Variants in PADI4 observed in about 807,000 individuals in gnomAD.
PADI4 encodes peptidyl arginine deiminase 4, also known as protein-arginine deiminase type-4.
PADI4 carries 62 observed loss-of-function variants against 75.0 expected under a neutral mutation model. That is an observed-to-expected ratio of 0.83 (90% CI 0.67 to 1.02). The LOEUF (loss-of-function observed/expected upper bound fraction) is 1.02, where lower values mean the gene tolerates loss of function less well. Among genes scored for constraint, PADI4 ranks in the 50% least tolerant of loss-of-function variants. The probability of loss-of-function intolerance (pLI) is 0.00; values close to 1 mark genes in which losing one functional copy is unlikely to be tolerated. For missense variants in PADI4, 845 were observed against 850.5 expected, an observed-to-expected ratio of 0.99 and a Z score of 0.08; for synonymous variants, 361 against 348.1, an observed-to-expected ratio of 1.04 and a Z score of -0.41.
At position 17,336,226 on chromosome 1, in the gene PADI4, G is replaced by C; in HGVS notation, c.408G>C (p.Gln136His). 1 of 1,612,870 alleles carries C rather than the reference G, an allele frequency of 6.2e-7. No homozygotes were observed. The highest frequency in any genetic ancestry group is 8.5e-7 in the Non-Finnish European group (1 of 1,178,862). ...KVKPTRAVKD[Q>H]RTWTWGPCGQ... ...AGCCAACCAGAGCTGTGAAAGATCA[G>C]GTACCACTCACCCAAACGCTCCTTT... Residue 136 changes from glutamine to histidine, a missense_variant and splice_region_variant, in exon 4 of 16, where the codon CAG becomes CAC. Coordinates refer to ENST00000375448, the MANE Select transcript of PADI4 (RefSeq NM_012387.3).
intron 13 of PADI4, 40 bp from the exon 14 acceptor site, chr1:17,358,798 C>A (rs769853026): frequency 1.4e-6 from 2 of 1,412,522 alleles, no homozygotes; most frequent in Admixed American, 1.9e-5. Context: ...AAATCGACCT[C>A]TAAGTTCATT....
intron 2 of PADI4, among the ~76,000 whole-genome samples, chr1:17,333,238 G>A (rs776795132): frequency 8.5e-5 from 13 of 152,062 alleles, no homozygotes; most frequent in Non-Finnish European, 1.5e-4. Flanking sequence ...AGTGATGGCC[G>A]TGGCGTTTTC....
intron 1 of PADI4, 132 bp downstream of exon 1, chr1:17,308,446 G>C: frequency 1.4e-6 from 1 of 697,104 alleles, no homozygotes; most frequent in Non-Finnish European, 2.5e-6. Context: ...CAGGGGAGTA[G>C]CTGGAGAGAG....
chr1:17,332,956 C>T lies in PADI4; in HGVS notation c.274-987C>T, dbSNP rs7554069. 3.2e-3 allele frequency among the ~76,000 whole-genome samples: 487 copies of T among 152,168 alleles called. 6 individuals carry two copies. The highest frequency in any genetic ancestry group is 0.011 in the African/African-American group (452 of 41,506). Reference sequence around the variant, plus strand: ...CTCTGGATGAGAAAAGGGTGAGACACGTGTTGGGGAAACTGAGGAAGTTCT... The same window carrying T: ...CTCTGGATGAGAAAAGGGTGAGACATGTGTTGGGGAAACTGAGGAAGTTCT... On this transcript the variant is annotated intron_variant, in intron 2 of 15. Transcript: ENST00000375448.
chr1:17,359,541 G>A, intron 15 of PADI4, 133 bp downstream of exon 15: 2 of 1,247,628 alleles, frequency 1.6e-6, no homozygotes, highest in Non-Finnish European at 1.1e-6. Flanking sequence ...TGTCCTGAGT[G>A]GTACAAGGTC....
rs1557576429 is a variant in PADI4 at position 17,351,992 on chromosome 1, A to ACTGTG, written c.1156-2541_1156-2540insCTGTG. On this transcript the variant is annotated intron_variant, in intron 10 of 15. Transcript: ENST00000375448. ...CCAGGGAGGTGATGGGAGGAGAGGC[A>ACTGTG]GTCAGGGAGGTGATGGGAGGAGAGG... 2.4e-3 allele frequency among the ~76,000 whole-genome samples: 65 copies of ACTGTG among 27,624 alleles called. 4 individuals are homozygous for ACTGTG. The highest frequency in any genetic ancestry group is 6.4e-3 in the African/African-American group (62 of 9,656). The allele number at this position is 27,624 out of a possible 152,430, so 18.1% of individuals were successfully genotyped here.
In PADI4 at chr1:17,363,931, T is replaced by C. The variant is rs569626942; in HGVS notation, c.*176T>C. 2.1e-3 allele frequency: 1,243 copies of C among 580,654 alleles called. 16 individuals are homozygous for C. The highest frequency in any genetic ancestry group is 0.017 in the South Asian group (835 of 49,888). The allele number at this position is 580,654 out of a possible 1,614,324, so 36.0% of individuals were successfully genotyped here. On this transcript the variant is annotated 3_prime_UTR_variant, in exon 16 of 16. Coordinates refer to ENST00000375448, the MANE Select transcript of PADI4 (RefSeq NM_012387.3). ...GTTTCCCACTCTGAAGATCCCAACA[T>C]GGTCCTAGCACTGCACACTCAGTTC...
chr1:17,339,951 A>C (rs2074385515), intron 6 of PADI4, 138 bp downstream of exon 6: 1 of 878,622 alleles, frequency 1.1e-6, no homozygotes, highest in Non-Finnish European at 1.7e-6. Context: ...AGTGGGCAAG[A>C]CAGACGACAT....
chr1:17,352,012 GAGAGGCGGCCAGGGAGGTGA>G (rs1178743278), intron 10 of PADI4, among the ~76,000 whole-genome samples: 12,965 of 29,162 alleles, frequency 0.44, 2,477 homozygotes, highest in African/African-American at 0.55. Flanking sequence ...GTGATGGGAG[GAGAGGCGGCCAGGGAGGTGA>G]TGGGAGGAGA....
chr1:17,356,369 C>A lies in PADI4; in HGVS notation c.1468C>A (p.Leu490Ile). 6.2e-7 allele frequency: 1 copy of A among 1,607,596 alleles called. No individual in the cohort carries two copies. The change falls in exon 13 of 16, where the codon CTC becomes ATC. Residue 490 changes from leucine to isoleucine, a missense_variant. Physicochemically the swap from Leu to Ile is conservative, Grantham distance 5. Transcript: ENST00000375448. The surrounding 1 kb of genome is among the most constrained non-coding windows in gnomAD (Gnocchi z 4.1). Reference protein sequence around the residue: ...PAPDRKGFRLLLASPRSCYKL... With the variant: ...PAPDRKGFRLILASPRSCYKL... Reference sequence around the variant, plus strand: ...TTTCTGCCTCCAGGGCTTCCGGCTGCTCCTGGCCAGCCCCAGGTCCTGCTA... The same window carrying A: ...TTTCTGCCTCCAGGGCTTCCGGCTGATCCTGGCCAGCCCCAGGTCCTGCTA...
Position 17,358,910 on chromosome 1 carries a change from T to C in PADI4, c.1629+2T>C. 1 of 1,600,612 alleles carries C rather than the reference T, an allele frequency of 6.2e-7. No individual in the cohort carries two copies. Among genetic ancestry groups the C allele is most frequent in the African/African-American group, 1.3e-5 (1 of 74,580 alleles). ...AGAGAACATAATTCATTTGTGGAGG[T>C]AGGAGCCTGGGTGCCTACACCCCAG... On this transcript the variant is annotated splice_donor_variant, in intron 14 of 15. Transcript: ENST00000375448. LOFTEE classifies it high-confidence loss of function.
intron 1 of PADI4, among the ~76,000 whole-genome samples, chr1:17,321,139 G>C (rs75004237): frequency 1.3e-5 from 2 of 152,178 alleles, no homozygotes; most frequent in African/African-American, 4.8e-5. Context: ...GGGAGGATTC[G>C]ATGGCAGAGA....
chr1:17,310,972 C>CT (rs969859818), intron 1 of PADI4, among the ~76,000 whole-genome samples: 1 of 152,002 alleles, frequency 6.6e-6, no homozygotes, highest in Non-Finnish European at 1.5e-5. Context: ...TAGCACGCAG[C>CT]TATAGTCCCA....
intron 1 of PADI4, among the ~76,000 whole-genome samples, chr1:17,311,588 G>A (rs975790659): frequency 6.6e-6 from 1 of 151,188 alleles, no homozygotes; most frequent in Admixed American, 6.6e-5. Flanking sequence ...GCAGTGGCAA[G>A]ATCTTGGCTC....
intron 10 of PADI4, among the ~76,000 whole-genome samples, chr1:17,352,023 AGGGAG>A (rs1557576626): frequency 0.07 from 652 of 9,330 alleles, 91 homozygotes; most frequent in Middle Eastern, 0.19. Flanking sequence ...AGAGGCGGCC[AGGGAG>A]GTGATGGGAG....
In PADI4 at chr1:17,350,808, C is replaced by T. The variant is rs533964673; in HGVS notation, c.1155+2760C>T. 6.9e-5 allele frequency among the ~76,000 whole-genome samples: 9 copies of T among 129,886 alleles called. 3 individuals carry two copies. The South Asian group carries it at 1.2e-3, about 17-fold the overall frequency. 85.2% of individuals were successfully genotyped at this position (129,886 alleles called of 152,430 possible). A position where few individuals can be genotyped will look rare whatever the true frequency, so the allele number is the denominator to read the frequency against. ...AGCAACGCCAAGGTCCCTGACCTCA[C>T]GGAGGGGACGTTCTGGCCCAGAGAG... On this transcript the variant is annotated intron_variant, in intron 10 of 15. Transcript: ENST00000375448.
In PADI4 at chr1:17,363,883, C is replaced by A. The variant is rs1046875466; in HGVS notation, c.*128C>A. 2.5e-5 allele frequency: 16 copies of A among 628,106 alleles called. No homozygotes were observed. Among genetic ancestry groups the A allele is most frequent in the Middle Eastern group, 2.6e-4 (1 of 3,844 alleles). The allele number at this position is 628,106 out of a possible 1,614,324, so 38.9% of individuals were successfully genotyped here. ...GGCCAGCCCTCCCAGCAGTGGCTTGCTTTCTTCTCCTGTGATGTCCCAGTT... is the reference window on the plus strand; with the variant it reads ...GGCCAGCCCTCCCAGCAGTGGCTTGATTTCTTCTCCTGTGATGTCCCAGTT... On this transcript the variant is annotated 3_prime_UTR_variant, in exon 16 of 16. Coordinates refer to ENST00000375448, the MANE Select transcript of PADI4 (RefSeq NM_012387.3).
At chr1:17,340,303 G>A (rs1168952734) in intron 6 of PADI4, among the ~76,000 whole-genome samples, 1 of 152,102 alleles carries the variant, frequency 6.6e-6, no homozygotes, top group East Asian at 1.9e-4. Context: ...AGAACTATAG[G>A]TAAAATAATT....
At chr1:17,352,106 G>GGGAGGTGATGGGAGGTGGGAA (rs2074662113) in intron 10 of PADI4, among the ~76,000 whole-genome samples, 1 of 121,106 alleles carries the variant, frequency 8.3e-6, no homozygotes, top group Non-Finnish European at 1.9e-5. Flanking sequence ...GGAGGTGGTA[G>GGGAGGTGATGGGAGGTGGGAA]GAGAGACTGT....
Sources: allele counts gnomAD v4.1 joint callset (sites outside exome capture counted in the v4.1 genomes callset), GRCh38; gene constraint gnomAD v4.1.1; non-coding constraint Gnocchi (gnomAD v3.1); transcripts MANE v1.5; gene names NCBI Gene and HGNC (gene_info 2026-07-23, HGNC 2026-07-21).